TRPM1: variants seen among roughly 807,000 people sequenced by gnomAD.
TRPM1 encodes TRPM1-203 APA Isoform, Intron 10.
Under a neutral mutation model 149.4 loss-of-function variants are expected in TRPM1, and 113 were observed. That is an observed-to-expected ratio of 0.76 (90% confidence interval 0.65 to 0.88). TRPM1 has a LOEUF of 0.88. Ranked by LOEUF, TRPM1 falls within the 40% of genes least tolerant of loss-of-function variation. The pLI is 0.00. For missense variants in TRPM1, 1,976 were observed against 2,038.7 expected (o/e 0.97, Z 0.59); for synonymous variants, 741 against 759.5 (o/e 0.98, Z 0.40).
intron 4 of TRPM1, 196 bp downstream of exon 4, chr15:31,069,835 A>G: frequency 6.5e-7 from 1 of 1,540,666 alleles, no homozygotes; most frequent in Non-Finnish European, 8.7e-7. Flanking sequence ...GATGTTCTTT[A>G]CAGTGGTGTC....
upstream of TRPM1, among the ~76,000 whole-genome samples, chr15:31,104,283 C>G (rs545837638): frequency 9.9e-5 from 15 of 152,116 alleles, no homozygotes; most frequent in East Asian, 1.9e-3. Context: ...CTGTGTGGGG[C>G]CCTGATGAGG....
chr15:31,131,556 A>G (rs1038237818), intron 1 of TRPM1, among the ~76,000 whole-genome samples: 2 of 152,234 alleles, frequency 1.3e-5, no homozygotes, highest in African/African-American at 4.8e-5. Flanking sequence ...TGGGTGGAAG[A>G]CATGGACAGC....
intron 1 of TRPM1, among the ~76,000 whole-genome samples, chr15:31,090,745 A>G (rs772924225): frequency 6.6e-6 from 1 of 152,150 alleles, no homozygotes; most frequent in Non-Finnish European, 1.5e-5. Flanking sequence ...CTTCGAGTTT[A>G]AGCTTTGAAA....
At chr15:31,062,270 G>T (rs1388601089) in intron 9 of TRPM1, among the ~76,000 whole-genome samples, 1 of 152,212 alleles carries the variant, frequency 6.6e-6, no homozygotes, top group Non-Finnish European at 1.5e-5. Flanking sequence ...AAACATGCCT[G>T]ACAGGGTGGT....
At chr15:31,078,230 C>T (rs933378519) in intron 2 of TRPM1, among the ~76,000 whole-genome samples, 18 of 152,150 alleles carry the variant, frequency 1.2e-4, no homozygotes, top group African/African-American at 4.3e-4. Context: ...AGCAGCAGTG[C>T]TGCTCTGGGA....
chr15:31,110,050 G>C (rs2035663819), intron 1 of TRPM1, among the ~76,000 whole-genome samples: 1 of 152,162 alleles, frequency 6.6e-6, no homozygotes, highest in African/African-American at 2.4e-5. Flanking sequence ...GGCTTATATT[G>C]GTTCAAAAAA....
At chr15:31,073,763 A>T (rs995100379) in intron 3 of TRPM1, among the ~76,000 whole-genome samples, 1 of 152,056 alleles carries the variant, frequency 6.6e-6, no homozygotes, top group African/African-American at 2.4e-5. Context: ...GTAGCGAGAG[A>T]GGACATCCTT....
intron 1 of TRPM1, among the ~76,000 whole-genome samples, chr15:31,152,443 T>A (rs372108967): frequency 1.3e-5 from 2 of 152,324 alleles, no homozygotes; most frequent in East Asian, 3.9e-4. Context: ...AGTGGACCCC[T>A]GACTGAGGCT....
chr15:31,092,116 G>T (rs2035256024), intron 1 of TRPM1, among the ~76,000 whole-genome samples: 1 of 150,996 alleles, frequency 6.6e-6, no homozygotes, highest in Non-Finnish European at 1.5e-5. Context: ...GAGGGGTGGG[G>T]TGGGGTGGGG....
intron 27 of TRPM1, among the ~76,000 whole-genome samples, chr15:31,013,989 C>T (rs1190556357): frequency 1.3e-5 from 2 of 152,148 alleles, no homozygotes; most frequent in Non-Finnish European, 2.9e-5. Flanking sequence ...TACATCTTTG[C>T]TTTAGCTTTC....
At chr15:31,009,737 T>TG (rs2032115189) in intron 27 of TRPM1, among the ~76,000 whole-genome samples, 2 of 152,012 alleles carry the variant, frequency 1.3e-5, no homozygotes, top group Non-Finnish European at 2.9e-5. Context: ...TTTAGCCCAT[T>TG]TACTCTCTTG....
intron 1 of TRPM1, among the ~76,000 whole-genome samples, chr15:31,131,991 G>A (rs2036022437): frequency 6.6e-6 from 1 of 152,230 alleles, no homozygotes; most frequent in African/African-American, 2.4e-5. Flanking sequence ...CTTAGCCGCT[G>A]GGCCTGCTTT....
intron 16 of TRPM1, among the ~76,000 whole-genome samples, chr15:31,042,917 C>A (rs1237609419): frequency 6.6e-6 from 1 of 152,216 alleles, no homozygotes; most frequent in Non-Finnish European, 1.5e-5. Flanking sequence ...GGGTCTCAGA[C>A]TACTCCAGGC....
chr15:31,065,568 C>A (rs2034350604), intron 7 of TRPM1, among the ~76,000 whole-genome samples: 1 of 152,158 alleles, frequency 6.6e-6, no homozygotes, highest in East Asian at 1.9e-4. Flanking sequence ...ACAGCTCCCC[C>A]TCAGGACCAG....
At chr15:31,130,246 G>A (rs568746623) in intron 1 of TRPM1, among the ~76,000 whole-genome samples, 38 of 152,166 alleles carry the variant, frequency 2.5e-4, no homozygotes, top group Admixed American at 1.2e-3. Context: ...GGGTCAAAAT[G>A]AGAAGCAAAA....
chr15:31,113,811 G>A (rs1383198682), intron 1 of TRPM1, among the ~76,000 whole-genome samples: 2 of 152,146 alleles, frequency 1.3e-5, no homozygotes, highest in East Asian at 1.9e-4. Context: ...GTTAGCAACA[G>A]CAAGATTTAT....
chr15:31,155,280 C>T (rs1036356400), intron 1 of TRPM1, among the ~76,000 whole-genome samples: 16 of 152,158 alleles, frequency 1.1e-4, no homozygotes, highest in African/African-American at 3.1e-4. Flanking sequence ...GAGCCGGGGG[C>T]GTGCCTGCTA....
At chr15:31,097,393 C>T (rs2035413248) in intron 1 of TRPM1, among the ~76,000 whole-genome samples, 1 of 152,174 alleles carries the variant, frequency 6.6e-6, no homozygotes, top group Non-Finnish European at 1.5e-5. Context: ...TGGTGGCCGG[C>T]TTGGCTGAGT....
At chr15:31,123,800 A>G (rs985379713) in intron 1 of TRPM1, among the ~76,000 whole-genome samples, 1 of 152,250 alleles carries the variant, frequency 6.6e-6, no homozygotes, top group African/African-American at 2.4e-5. Flanking sequence ...AACTAAACAT[A>G]GTCTTATCTT....
Sources: allele counts gnomAD v4.1 joint callset (sites outside exome capture counted in the v4.1 genomes callset), GRCh38; gene constraint gnomAD v4.1.1; transcripts MANE v1.5; gene names NCBI Gene and HGNC (gene_info 2026-07-23, HGNC 2026-07-21).